The following MED12L variants were observed in gnomAD, a reference collection of about 807,000 sequenced individuals.
The protein encoded by MED12L is mediator of RNA polymerase II transcription subunit 12-like protein.
MED12L carries 60 observed loss-of-function variants against 281.3 expected under a neutral mutation model. The ratio of observed to expected loss-of-function variants is 0.21; its 90% CI spans 0.17 to 0.26. The LOEUF is 0.26. Among genes scored for constraint, MED12L ranks in the 10% least tolerant of loss-of-function variants. MED12L has a pLI of 1.00. For missense variants in MED12L, 2,146 were observed against 2,680.9 expected (o/e 0.80, Z 4.41); for synonymous variants, 974 against 987.2 (o/e 0.99, Z 0.25).
intron 15 of MED12L, among the ~76,000 whole-genome samples, chr3:151,192,904 A>G (rs1190465324): frequency 6.6e-6 from 1 of 152,170 alleles, no homozygotes; most frequent in African/African-American, 2.4e-5. Flanking sequence ...TTTTGAGCTC[A>G]TCATCATCTC....
intron 16 of MED12L, chr3:151,213,152 A>G: frequency 3.3e-6 from 2 of 608,606 alleles, no homozygotes; most frequent in Non-Finnish European, 5.5e-6. Flanking sequence ...AAAAGCATGG[A>G]AACTTATATT....
intron 20 of MED12L, among the ~76,000 whole-genome samples, chr3:151,359,422 A>C (rs1351658821): frequency 6.6e-6 from 1 of 152,074 alleles, no homozygotes; most frequent in Non-Finnish European, 1.5e-5. Flanking sequence ...AGGGTTTGGG[A>C]TACTACATTG....
intron 16 of MED12L, chr3:151,338,498 T>A: frequency 6.2e-7 from 1 of 1,613,912 alleles, no homozygotes; most frequent in Non-Finnish European, 8.5e-7. Flanking sequence ...TAGTTATCAG[T>A]CCCAGGAATG....
chr3:151,433,731 G>T lies in MED12L; in HGVS notation c.*927G>T, dbSNP rs1305960037. ...GCTCACACTTGACATGGTTTCCAGA[G>T]AATCTGGCCCCAAAGTCCAGAAGGC... On this transcript the variant is annotated 3_prime_UTR_variant, in exon 45 of 45. Coordinates refer to ENST00000687756, the MANE Select transcript of MED12L (RefSeq NM_001393769.1). 1 of 152,632 alleles carries T rather than the reference G, an allele frequency of 6.6e-6. No individual in the cohort carries two copies. Among genetic ancestry groups the T allele is most frequent in the Non-Finnish European group, 1.5e-5 (1 of 68,032 alleles). The allele number at this position is 152,632 out of a possible 1,614,324, so 9.5% of individuals were successfully genotyped here.
At chr3:151,266,862 C>T (rs1341547507) in intron 16 of MED12L, among the ~76,000 whole-genome samples, 1 of 152,202 alleles carries the variant, frequency 6.6e-6, no homozygotes, top group Non-Finnish European at 1.5e-5. Context: ...AATTGGTATG[C>T]TGTCATGCCC....
chr3:151,304,241 A>T (rs1746332741), intron 16 of MED12L, among the ~76,000 whole-genome samples: 1 of 152,160 alleles, frequency 6.6e-6, no homozygotes, highest in South Asian at 2.1e-4. Context: ...TAAAGGATTA[A>T]TGGAGGGTTT....
rs1577206567 is a variant in MED12L, at chr3:151,275,359, G to A, written c.2251-74700G>A. 2.6e-5 allele frequency among the ~76,000 whole-genome samples: 4 copies of A among 152,174 alleles called. No individual in the cohort carries two copies. In the South Asian group the frequency reaches 8.3e-4, roughly 32 times the overall value. On this transcript the variant is annotated intron_variant, in intron 16 of 44. Coordinates refer to ENST00000687756, the MANE Select transcript of MED12L (RefSeq NM_001393769.1). The stretch of plus-strand genomic sequence containing the variant: ...GGGTAGAAGCCAGCACCCGTCCCTG[G>A]CTGTTCTTTTATTTGAATGATGAGG...
chr3:151,286,637 T>C (rs1235206394), intron 16 of MED12L, among the ~76,000 whole-genome samples: 1 of 152,216 alleles, frequency 6.6e-6, no homozygotes, highest in African/African-American at 2.4e-5. Context: ...CATGGAGTTC[T>C]TTTTCCTTAA....
chr3:151,383,555 C>T (rs899501832), intron 33 of MED12L, among the ~76,000 whole-genome samples: 3 of 152,154 alleles, frequency 2.0e-5, no homozygotes, highest in Non-Finnish European at 2.9e-5. Context: ...CAGATACTCA[C>T]GTCCCTTCTT....
chr3:151,266,934 C>G (rs1173773150), intron 16 of MED12L, among the ~76,000 whole-genome samples: 1 of 152,176 alleles, frequency 6.6e-6, no homozygotes, highest in African/African-American at 2.4e-5. Flanking sequence ...TCAATCCATT[C>G]TGTCCTGGAG....
chr3:151,157,422 C>G (rs1485244313), intron 6 of MED12L, among the ~76,000 whole-genome samples: 1 of 152,050 alleles, frequency 6.6e-6, no homozygotes, highest in African/African-American at 2.4e-5. Flanking sequence ...AACAAAGCAT[C>G]TACAGGATGG....
chr3:151,287,459 G>A (rs1743688418), intron 16 of MED12L, among the ~76,000 whole-genome samples: 1 of 152,098 alleles, frequency 6.6e-6, no homozygotes, highest in Non-Finnish European at 1.5e-5. Flanking sequence ...AGAAAAGAGG[G>A]CACTCAGATT....
At chr3:151,286,943 A>G (rs1013308209) in intron 16 of MED12L, among the ~76,000 whole-genome samples, 1 of 152,166 alleles carries the variant, frequency 6.6e-6, no homozygotes, top group Admixed American at 6.5e-5. Context: ...CAGTTTTTTC[A>G]GGCTTTAGTT....
At chr3:151,344,571 G>C (rs1430922130) in intron 16 of MED12L, among the ~76,000 whole-genome samples, 1 of 152,118 alleles carries the variant, frequency 6.6e-6, no homozygotes, top group Non-Finnish European at 1.5e-5. Flanking sequence ...GCTTTTCTTA[G>C]AGACGTGATA....
chr3:151,323,681 T>G (rs1004618895), intron 16 of MED12L, among the ~76,000 whole-genome samples: 27 of 152,238 alleles, frequency 1.8e-4, no homozygotes, highest in African/African-American at 6.3e-4. Flanking sequence ...TTTGAACTTC[T>G]GTGGTGTGTC....
intron 16 of MED12L, chr3:151,198,340 T>TG: frequency 1.0e-6 from 1 of 991,112 alleles, no homozygotes; most frequent in Non-Finnish European, 1.4e-6. Flanking sequence ...GAGTTTTTTT[T>TG]TGTTTTTTTT....
intron 11 of MED12L, among the ~76,000 whole-genome samples, chr3:151,175,702 G>GA (rs1292411897): frequency 6.6e-6 from 1 of 152,130 alleles, no homozygotes; most frequent in Non-Finnish European, 1.5e-5. Flanking sequence ...TGAATACATT[G>GA]AATTACTGAA....
chr3:151,248,396 G>T (rs996369464), intron 16 of MED12L, among the ~76,000 whole-genome samples: 2 of 152,076 alleles, frequency 1.3e-5, no homozygotes, highest in Non-Finnish European at 2.9e-5. Context: ...TTCATTATTT[G>T]TAGAGTTTTA....
At chr3:151,428,286 C>G (rs765393581) in intron 43 of MED12L, among the ~76,000 whole-genome samples, 11 of 152,096 alleles carry the variant, frequency 7.2e-5, no homozygotes, top group Non-Finnish European at 1.5e-4. Context: ...AATAGTTTCC[C>G]CAAGTAAGCA....
Sources: allele counts gnomAD v4.1 joint callset (sites outside exome capture counted in the v4.1 genomes callset), GRCh38; gene constraint gnomAD v4.1.1; transcripts MANE v1.5; gene names NCBI Gene and HGNC (gene_info 2026-07-23, HGNC 2026-07-21).